GPC5: variants seen among roughly 807,000 people sequenced by gnomAD.
GPC5 encodes glypican-5.
A neutral mutation model predicts 53.9 loss-of-function variants in GPC5; 47 were observed. The ratio of observed to expected loss-of-function variants is 0.87; its 90% CI spans 0.69 to 1.11. The LOEUF (loss-of-function observed/expected upper bound fraction) is 1.11, where lower values mean the gene tolerates loss of function less well. GPC5 is among the 50% of genes most tolerant of loss of function. GPC5 has a pLI of 0.00. For missense variants in GPC5, 748 were observed against 713.1 expected, an observed-to-expected ratio of 1.05 and a Z score of -0.56; for synonymous variants, 286 against 263.3, an observed-to-expected ratio of 1.09 and a Z score of -0.84.
chr13:92,632,888 G>GTTTGT (rs890945414), intron 7 of GPC5, among the ~76,000 whole-genome samples: 2 of 151,852 alleles, frequency 1.3e-5, no homozygotes, highest in African/African-American at 4.8e-5. Context: ...TTTTTTGTTT[G>GTTTGT]TTTGTTTTGT....
At chr13:91,769,363 T>A (rs1436899050) in intron 5 of GPC5, among the ~76,000 whole-genome samples, 1 of 152,204 alleles carries the variant, frequency 6.6e-6, no homozygotes, top group African/African-American at 2.4e-5. Flanking sequence ...CACTGGGTAC[T>A]ACAGCTTAGC....
intron 6 of GPC5, among the ~76,000 whole-genome samples, chr13:92,033,036 C>CT (rs1491249102): frequency 7.2e-6 from 1 of 138,992 alleles, no homozygotes; most frequent in African/African-American, 2.7e-5. Context: ...TAGTTATTGT[C>CT]GTGTGTGTGT....
At chr13:92,162,124 T>C (rs756376219) in intron 7 of GPC5, among the ~76,000 whole-genome samples, 62 of 150,516 alleles carry the variant, frequency 4.1e-4, no homozygotes, top group Non-Finnish European at 8.3e-4. Flanking sequence ...TCCTGTTTTT[T>C]CCCTGAAGTC....
intron 7 of GPC5, among the ~76,000 whole-genome samples, chr13:92,151,616 G>A (rs996699176): frequency 3.9e-5 from 6 of 152,134 alleles, no homozygotes; most frequent in Non-Finnish European, 5.9e-5. Flanking sequence ...TAACACCAAA[G>A]TAGAACCACT....
chr13:91,693,281 G>C lies in GPC5; in HGVS notation c.420G>C (p.Ser140=), dbSNP rs151336101. The change falls in exon 3 of 8, where the codon TCG becomes TCC. Residue 140 remains serine, a synonymous_variant. Coordinates refer to ENST00000377067, the MANE Select transcript of GPC5 (RefSeq NM_004466.6). ...YRNMALEAAA[S]VQEFFTDVGL... ...ACATGGCCTTGGAGGCTGCTGCTTC[G>C]GTTCAGGAGTTCTTCACTGATGTGG... 2 of 1,613,998 alleles carry C rather than the reference G, an allele frequency of 1.2e-6. No individual in the cohort carries two copies. The highest frequency in any genetic ancestry group is 8.5e-7 in the Non-Finnish European group (1 of 1,180,008).
intron 6 of GPC5, among the ~76,000 whole-genome samples, chr13:92,009,222 AT>A (rs1026422220): frequency 4.2e-5 from 5 of 120,396 alleles, no homozygotes; most frequent in East Asian, 2.8e-4. Flanking sequence ...GATGCTCATT[AT>A]TTTTTTTTAT....
intron 7 of GPC5, among the ~76,000 whole-genome samples, chr13:92,339,078 A>T (rs1017313234): frequency 1.3e-5 from 2 of 152,002 alleles, no homozygotes; most frequent in African/African-American, 4.8e-5. Context: ...TGATGGCTTG[A>T]CATAAGCTAG....
intron 2 of GPC5, among the ~76,000 whole-genome samples, chr13:91,632,524 CA>C (rs2034184268): frequency 6.6e-6 from 1 of 151,706 alleles, no homozygotes; most frequent in Non-Finnish European, 1.5e-5. Flanking sequence ...ATATCTGGGC[CA>C]AAAAACAAAG....
intron 6 of GPC5, among the ~76,000 whole-genome samples, chr13:91,911,344 G>C (rs1455778356): frequency 6.6e-6 from 1 of 152,000 alleles, no homozygotes; most frequent in East Asian, 1.9e-4. Context: ...AGGAGTTTGA[G>C]ACCAGCCTGG....
At chr13:92,763,774 G>T (rs555376549) in intron 7 of GPC5, among the ~76,000 whole-genome samples, 1 of 152,302 alleles carries the variant, frequency 6.6e-6, no homozygotes, top group East Asian at 1.9e-4. Flanking sequence ...TTGTAGCTAT[G>T]AATATGATCC....
chr13:92,085,945 T>C (rs2138887978), intron 6 of GPC5, among the ~76,000 whole-genome samples: 1 of 152,294 alleles, frequency 6.6e-6, no homozygotes, highest in African/African-American at 2.4e-5. Context: ...TGCTTTGCAG[T>C]CTTGTTCCTA....
chr13:92,326,844 C>T (rs9584019), intron 7 of GPC5, among the ~76,000 whole-genome samples: 6 of 152,076 alleles, frequency 3.9e-5, no homozygotes, highest in African/African-American at 1.4e-4. Context: ...CCAAGGACAC[C>T]AGGTCATACA....
chr13:92,217,703 T>C (rs554885964), intron 7 of GPC5, among the ~76,000 whole-genome samples: 26 of 152,238 alleles, frequency 1.7e-4, no homozygotes, highest in African/African-American at 6.3e-4. Flanking sequence ...TCATTATCCC[T>C]GAATATTTTT....
chr13:92,455,673 T>C (rs1878237274), intron 7 of GPC5, among the ~76,000 whole-genome samples: 1 of 152,190 alleles, frequency 6.6e-6, no homozygotes, highest in Admixed American at 6.6e-5. Context: ...AAAAACTATA[T>C]AAATTTAAAA....
intron 7 of GPC5, among the ~76,000 whole-genome samples, chr13:92,343,044 A>C (rs914732605): frequency 6.6e-6 from 1 of 152,212 alleles, no homozygotes; most frequent in Admixed American, 6.6e-5. Context: ...TAAATAGATA[A>C]TACATGAAAC....
At chr13:91,520,589 G>T (rs76135061) in intron 2 of GPC5, among the ~76,000 whole-genome samples, 3,429 of 152,110 alleles carry the variant, frequency 0.023, 101 homozygotes, top group African/African-American at 0.069. Flanking sequence ...TGCCTTTATA[G>T]ATTTCCAACT....
intron 4 of GPC5, among the ~76,000 whole-genome samples, chr13:91,751,165 CT>C (rs2140108593): frequency 6.6e-6 from 1 of 152,284 alleles, no homozygotes; most frequent in South Asian, 2.1e-4. Flanking sequence ...AAAGTAGGAT[CT>C]CCCCCCAAAT....
At chr13:91,722,155 GAA>G (rs770154933) in intron 3 of GPC5, among the ~76,000 whole-genome samples, 1 of 151,842 alleles carries the variant, frequency 6.6e-6, no homozygotes, top group Non-Finnish European at 1.5e-5. Context: ...AGGAAGGAAA[GAA>G]AAAGAGAGAA....
chr13:92,789,695 C>A (rs1235156346), intron 7 of GPC5, among the ~76,000 whole-genome samples: 1 of 151,904 alleles, frequency 6.6e-6, no homozygotes, highest in Non-Finnish European at 1.5e-5. Context: ...ATTTTAAAGT[C>A]AAAGAAGAAA....
Sources: gnomAD v4.1 joint callset for allele counts (sites outside exome capture counted in the v4.1 genomes callset) on GRCh38, gnomAD v4.1.1 for gene constraint, MANE v1.5 for transcripts, NCBI Gene and HGNC (gene_info 2026-07-23, HGNC 2026-07-21) for gene names.